The following RBMS1 variants were observed in gnomAD, a reference collection of about 807,000 sequenced individuals.
The protein encoded by RBMS1 is RNA-binding motif, single-stranded-interacting protein 1.
In RBMS1, 17 loss-of-function variants were observed where a neutral mutation model predicts 62.3. The ratio of observed to expected loss-of-function variants is 0.27; its 90% CI spans 0.19 to 0.41. The LOEUF is 0.41. Among genes scored for constraint, RBMS1 ranks in the 10% least tolerant of loss-of-function variants. The probability of loss-of-function intolerance (pLI) is 1.00; values close to 1 mark genes in which losing one functional copy is unlikely to be tolerated. For missense variants in RBMS1, 334 were observed against 504.5 expected, an observed-to-expected ratio of 0.66 and a Z score of 3.24; for synonymous variants, 172 against 170.0, an observed-to-expected ratio of 1.01 and a Z score of -0.09.
chr2:160,309,944 A>G lies in RBMS1; in HGVS notation c.402+3212T>C, dbSNP rs553874374. Among the ~76,000 whole-genome samples the G allele has an allele frequency of 3.9e-5, 6 of 152,356 alleles. No individual in the cohort carries two copies. In the South Asian group the frequency reaches 1.2e-3, roughly 32 times the overall value. On this transcript the variant is annotated intron_variant, in intron 4 of 13. Coordinates refer to ENST00000348849, the MANE Select transcript of RBMS1 (RefSeq NM_016836.4). Reference sequence around the variant, plus strand: ...GAGAAGCTTCAGCTGAAGATTCACTACATGATACTCAAAATTTTTGTCAAA... The same window carrying G: ...GAGAAGCTTCAGCTGAAGATTCACTGCATGATACTCAAAATTTTTGTCAAA...
chr2:160,472,803 T>G (rs550555483), intron 1 of RBMS1, among the ~76,000 whole-genome samples: 8 of 152,318 alleles, frequency 5.3e-5, no homozygotes, highest in African/African-American at 1.4e-4. Flanking sequence ...ATTATTGCTA[T>G]CTTTAGTTTC....
intron 6 of RBMS1, among the ~76,000 whole-genome samples, chr2:160,300,417 G>GA (rs1271641835): frequency 6.6e-6 from 1 of 152,132 alleles, no homozygotes; most frequent in African/African-American, 2.4e-5. Flanking sequence ...AAAGAGGAGT[G>GA]AATTGCACAA....
intron 1 of RBMS1, among the ~76,000 whole-genome samples, chr2:160,475,029 A>G (rs528898449): frequency 9.2e-5 from 14 of 152,338 alleles, no homozygotes; most frequent in Non-Finnish European, 1.6e-4. Context: ...AATCCCACTA[A>G]TAACTAATTT....
intron 3 of RBMS1, among the ~76,000 whole-genome samples, chr2:160,314,057 C>T (rs1272897822): frequency 6.6e-6 from 1 of 152,048 alleles, no homozygotes; most frequent in African/African-American, 2.4e-5. Context: ...AAAAGGGGGG[C>T]TGGGGTGATG....
intron 1 of RBMS1, among the ~76,000 whole-genome samples, chr2:160,471,310 G>T (rs1684901717): frequency 6.6e-6 from 1 of 152,078 alleles, no homozygotes; most frequent in South Asian, 2.1e-4. Context: ...TGTAATGATT[G>T]CCCTTTGAAA....
rs1487250894 is a variant in RBMS1 at position 160,273,176 on chromosome 2, T to C, written c.*1596A>G. On this transcript the variant is annotated 3_prime_UTR_variant, in exon 14 of 14. Coordinates refer to ENST00000348849, the MANE Select transcript of RBMS1 (RefSeq NM_016836.4). The stretch of plus-strand genomic sequence containing the variant: ...TAAAGTAGAAATAACTGTGTATTTA[T>C]GAATCAGGAATTTCATAGTTTCAAA... 2 of 152,250 alleles carry C rather than the reference T, an allele frequency of 1.3e-5. No homozygotes were observed. Among genetic ancestry groups the C allele is most frequent in the Non-Finnish European group, 2.9e-5 (2 of 68,040 alleles). 9.4% of individuals were successfully genotyped at this position (152,250 alleles called of 1,614,324 possible).
chr2:160,277,190 G>C, intron 12 of RBMS1, 113 bp downstream of exon 12: 1 of 984,742 alleles, frequency 1.0e-6, no homozygotes, highest in Non-Finnish European at 1.5e-6. Context: ...CTGGCTAAAC[G>C]CAATTCTTTA....
intron 4 of RBMS1, among the ~76,000 whole-genome samples, chr2:160,311,220 C>CTATATA (rs1488544677): frequency 3.5e-5 from 3 of 84,942 alleles, no homozygotes; most frequent in African/African-American, 1.2e-4. Flanking sequence ...ATCTATCTAT[C>CTATATA]TATCTATCTA....
At chr2:160,407,392 G>A (rs1695794464) in intron 1 of RBMS1, 3 of 985,676 alleles carry the variant, frequency 3.0e-6, no homozygotes, top group South Asian at 4.7e-5. Flanking sequence ...GAGGCGCGGA[G>A]CCCCTGAGCG....
intron 1 of RBMS1, among the ~76,000 whole-genome samples, chr2:160,464,631 T>A (rs1684612751): frequency 6.6e-6 from 1 of 152,232 alleles, no homozygotes; most frequent in African/African-American, 2.4e-5. Context: ...TTTTATATTG[T>A]CCTCAGCAGC....
At chr2:160,477,054 A>G (rs971086022) in intron 1 of RBMS1, among the ~76,000 whole-genome samples, 4 of 152,258 alleles carry the variant, frequency 2.6e-5, no homozygotes, top group Admixed American at 6.5e-5. Flanking sequence ...CATAGTCTAA[A>G]TGAAATGTCA....
intron 1 of RBMS1, among the ~76,000 whole-genome samples, chr2:160,466,039 TACAC>T (rs1032324840): frequency 8.5e-5 from 13 of 152,354 alleles, no homozygotes; most frequent in Admixed American, 7.2e-4. Flanking sequence ...ATATGGAATA[TACAC>T]ACAAAGTGTT....
At chr2:160,338,412 A>C (rs980310088) in intron 2 of RBMS1, among the ~76,000 whole-genome samples, 1 of 152,134 alleles carries the variant, frequency 6.6e-6, no homozygotes, top group Non-Finnish European at 1.5e-5. Flanking sequence ...CCTTTACTGT[A>C]GTGACGAGAG....
At chr2:160,424,727 T>C (rs925199531) in intron 1 of RBMS1, among the ~76,000 whole-genome samples, 2 of 152,182 alleles carry the variant, frequency 1.3e-5, no homozygotes, top group Non-Finnish European at 2.9e-5. Flanking sequence ...AATGACTATA[T>C]GAATAGCAGA....
intron 1 of RBMS1, among the ~76,000 whole-genome samples, chr2:160,441,632 G>A (rs1683414485): frequency 1.3e-5 from 2 of 152,220 alleles, no homozygotes; most frequent in African/African-American, 4.8e-5. Context: ...GGCTATGGCA[G>A]GAAGATCTCT....
At chr2:160,392,747 C>T (rs374596677) in intron 1 of RBMS1, among the ~76,000 whole-genome samples, 2 of 152,190 alleles carry the variant, frequency 1.3e-5, no homozygotes, top group South Asian at 2.1e-4. Context: ...AAAAAATTAA[C>T]TGCATGTGGT....
chr2:160,277,980 C>T (rs1687922058), intron 11 of RBMS1: 1 of 157,922 alleles, frequency 6.3e-6, no homozygotes, highest in Non-Finnish European at 1.4e-5. Context: ...GGAAAACGCA[C>T]CACCCTTTGT....
chr2:160,387,742 G>T (rs1283610001), intron 1 of RBMS1, among the ~76,000 whole-genome samples: 1 of 151,686 alleles, frequency 6.6e-6, no homozygotes, highest in Middle Eastern at 3.2e-3. Context: ...AAAACACACA[G>T]ATCCTCCCAC....
intron 2 of RBMS1, among the ~76,000 whole-genome samples, chr2:160,362,860 GA>G (rs750378402): frequency 1.3e-4 from 20 of 152,136 alleles, no homozygotes; most frequent in Admixed American, 3.3e-4. Context: ...AAGCCTCAAG[GA>G]AGAGGAGGTT....
Sources: allele counts gnomAD v4.1 joint callset (sites outside exome capture counted in the v4.1 genomes callset), GRCh38; gene constraint gnomAD v4.1.1; transcripts MANE v1.5; gene names NCBI Gene and HGNC (gene_info 2026-07-23, HGNC 2026-07-21).